CACNA2D3: variants seen among roughly 807,000 people sequenced by gnomAD.
CACNA2D3 encodes the protein voltage-dependent calcium channel subunit alpha-2/delta-3.
Under a neutral mutation model 160.6 loss-of-function variants are expected in CACNA2D3, and 60 were observed. The ratio of observed to expected loss-of-function variants is 0.37; its 90% CI spans 0.30 to 0.46. CACNA2D3 has a LOEUF of 0.46. CACNA2D3 is among the 20% of genes least tolerant of loss of function. The pLI is 1.00. For synonymous variants in CACNA2D3, 558 were observed against 492.9 expected, an observed-to-expected ratio of 1.13 and a Z score of -1.75; for missense variants, 1,205 against 1,365.0, an observed-to-expected ratio of 0.88 and a Z score of 1.85.
intron 4 of CACNA2D3, among the ~76,000 whole-genome samples, chr3:54,452,137 A>G (rs568265570): frequency 1.3e-5 from 2 of 152,350 alleles, no homozygotes; most frequent in South Asian, 2.1e-4. Context: ...AGACTGGGTA[A>G]CTTATCAAGG....
Position 54,569,866 on chromosome 3 carries a change from G to T in CACNA2D3, c.737+11G>T. On this transcript the variant is annotated intron_variant, in intron 7 of 37. Transcript: ENST00000474759. ...CAGGAACCGAAAATGGTAGGCAGTG[G>T]TCAGACCTCTTTGTTATTTCTCAAA... The T allele has an allele frequency of 6.2e-7, 1 of 1,610,492 alleles. No homozygotes were observed. The highest frequency in any genetic ancestry group is 8.5e-7 in the Non-Finnish European group (1 of 1,177,966).
intron 26 of CACNA2D3, 123 bp downstream of exon 26, chr3:54,896,993 G>A (rs1260029502): frequency 1.6e-6 from 2 of 1,234,858 alleles, no homozygotes; most frequent in Non-Finnish European, 2.3e-6. Flanking sequence ...CAGAGCCAGT[G>A]CTGAATATTG....
At chr3:54,448,219 C>T (rs1700252594) in intron 4 of CACNA2D3, among the ~76,000 whole-genome samples, 1 of 152,144 alleles carries the variant, frequency 6.6e-6, no homozygotes, top group Non-Finnish European at 1.5e-5. Context: ...CCTGGCAGCT[C>T]AACATAAAGG....
At chr3:55,052,984 A>G (rs1446792754) in intron 35 of CACNA2D3, among the ~76,000 whole-genome samples, 1 of 152,054 alleles carries the variant, frequency 6.6e-6, no homozygotes, top group East Asian at 1.9e-4. Context: ...TTTTTTTTAA[A>G]CAACTTGCCA....
At chr3:54,556,444 C>G (rs1267937515) in intron 5 of CACNA2D3, among the ~76,000 whole-genome samples, 1 of 152,018 alleles carries the variant, frequency 6.6e-6, no homozygotes, top group African/African-American at 2.4e-5. Flanking sequence ...GGAACACACT[C>G]TCTTAGAACC....
intron 13 of CACNA2D3, among the ~76,000 whole-genome samples, chr3:54,792,827 T>C (rs1357928543): frequency 6.6e-6 from 1 of 152,110 alleles, no homozygotes; most frequent in African/African-American, 2.4e-5. Flanking sequence ...TGTCTACCCT[T>C]GGATTTAAGG....
intron 3 of CACNA2D3, among the ~76,000 whole-genome samples, chr3:54,362,753 C>T: frequency 6.6e-6 from 1 of 152,216 alleles, no homozygotes; most frequent in East Asian, 1.9e-4. Flanking sequence ...CACAGCTGAA[C>T]AGCGGTGTGT....
chr3:54,883,962 A>C (rs1443683152), intron 21 of CACNA2D3, among the ~76,000 whole-genome samples: 1 of 152,080 alleles, frequency 6.6e-6, no homozygotes, highest in Non-Finnish European at 1.5e-5. Flanking sequence ...CTTTTCTGCC[A>C]CTAGAAATTA....
At chr3:54,981,195 T>G (rs887863163) in intron 29 of CACNA2D3, among the ~76,000 whole-genome samples, 1 of 152,182 alleles carries the variant, frequency 6.6e-6, no homozygotes, top group African/African-American at 2.4e-5. Flanking sequence ...TCTTTTTTCT[T>G]TTTTCAGGGA....
At chr3:55,001,105 A>G (rs1702972037) in intron 31 of CACNA2D3, among the ~76,000 whole-genome samples, 1 of 152,182 alleles carries the variant, frequency 6.6e-6, no homozygotes, top group Non-Finnish European at 1.5e-5. Context: ...TATGGTTGCT[A>G]AACAGAGTTC....
chr3:54,406,246 C>T (rs889178336), intron 4 of CACNA2D3, among the ~76,000 whole-genome samples: 1 of 152,096 alleles, frequency 6.6e-6, no homozygotes, highest in African/African-American at 2.4e-5. Context: ...CCTGCAGTCA[C>T]ATGTTAATTG....
intron 4 of CACNA2D3, among the ~76,000 whole-genome samples, chr3:54,491,622 A>G (rs534810104): frequency 6.6e-6 from 1 of 152,352 alleles, no homozygotes; most frequent in South Asian, 2.1e-4. Context: ...AGCAGAGTTC[A>G]GGAAATGAGG....
rs115902796 is a variant in CACNA2D3, at chr3:54,879,952, A to G, written c.1844+541A>G. 4.1e-3 allele frequency among the ~76,000 whole-genome samples: 632 copies of G among 152,342 alleles called. 3 individuals carry two copies. The highest frequency in any genetic ancestry group is 0.013 in the African/African-American group (543 of 41,574). The stretch of plus-strand genomic sequence containing the variant: ...CTTTCAGATGTGTATGTAGCATTCT[A>G]AAGTTTCCCACTACTATTAACTTAG... On this transcript the variant is annotated intron_variant, in intron 20 of 37. Coordinates refer to ENST00000474759, the MANE Select transcript of CACNA2D3 (RefSeq NM_018398.3).
At chr3:54,865,239 G>A (rs547828597) in intron 17 of CACNA2D3, among the ~76,000 whole-genome samples, 4 of 152,236 alleles carry the variant, frequency 2.6e-5, no homozygotes, top group South Asian at 2.1e-4. Flanking sequence ...TGCCGACGCC[G>A]GTGTGGTGTT....
chr3:54,160,377 G>A (rs60384357), intron 2 of CACNA2D3, among the ~76,000 whole-genome samples: 10,357 of 152,248 alleles, frequency 0.068, 1,137 homozygotes, highest in African/African-American at 0.23. Context: ...GCGGGCGCCT[G>A]TAATTCCAGC....
intron 27 of CACNA2D3, among the ~76,000 whole-genome samples, chr3:54,950,696 A>G (rs547316855): frequency 6.6e-6 from 1 of 152,100 alleles, no homozygotes; most frequent in African/African-American, 2.4e-5. Flanking sequence ...CACGAAAGGA[A>G]CCCGTTCTTT....
chr3:54,285,309 C>A (rs112402199), intron 2 of CACNA2D3, among the ~76,000 whole-genome samples: 1,777 of 152,290 alleles, frequency 0.012, 38 homozygotes, highest in African/African-American at 0.04. Context: ...GAGGGTCCTA[C>A]GCCCACGAAG....
chr3:54,393,336 G>GAC (rs1459396122), intron 4 of CACNA2D3, among the ~76,000 whole-genome samples: 1 of 152,226 alleles, frequency 6.6e-6, no homozygotes, highest in Non-Finnish European at 1.5e-5. Context: ...AGAAGCAGCT[G>GAC]ACACTGTGTC....
At chr3:54,725,609 A>T (rs1456809886) in intron 11 of CACNA2D3, among the ~76,000 whole-genome samples, 3 of 152,234 alleles carry the variant, frequency 2.0e-5, no homozygotes, top group African/African-American at 7.2e-5. Context: ...TTGGTTCAAC[A>T]TATGCAAATC....
Sources: gnomAD v4.1 joint callset for allele counts (sites outside exome capture counted in the v4.1 genomes callset) on GRCh38, gnomAD v4.1.1 for gene constraint, MANE v1.5 for transcripts, NCBI Gene and HGNC (gene_info 2026-07-23, HGNC 2026-07-21) for gene names.